SYNJ1: variants seen among roughly 807,000 people sequenced by gnomAD.
SYNJ1 encodes polyphosphatidylinositol phosphatase SYNJ1.
A neutral mutation model predicts 168.2 loss-of-function variants in SYNJ1; 78 were observed. That is an observed-to-expected ratio of 0.46 (90% confidence interval 0.39 to 0.56). SYNJ1 has a LOEUF of 0.56. Ranked by LOEUF, SYNJ1 falls within the 20% of genes least tolerant of loss-of-function variation. SYNJ1 has a pLI of 0.00. For synonymous variants in SYNJ1, 539 were observed against 548.6 expected (o/e 0.98, Z 0.24); for missense variants, 1,303 against 1,597.6 (o/e 0.82, Z 3.14).
chr21:32,718,556 A>C (rs2043105039), intron 2 of SYNJ1, among the ~76,000 whole-genome samples: 2 of 152,168 alleles, frequency 1.3e-5, no homozygotes, highest in African/African-American at 4.8e-5. Flanking sequence ...TGAAAAAGTC[A>C]ACTATAAAAA....
In SYNJ1 at chr21:32,698,417, G is replaced by GA. The variant is rs1601462408; in HGVS notation, c.479+1420dup. ...ACTCAAGGACTATATAAGTGACAGTGAAAGTGTGAGAGAGAAAAAGTACAC... is the reference window on the plus strand; with the variant it reads ...ACTCAAGGACTATATAAGTGACAGTGAAAAGTGTGAGAGAGAAAAAGTACAC... On this transcript the variant is annotated intron_variant, in intron 4 of 32. Coordinates refer to ENST00000674351, the MANE Select transcript of SYNJ1 (RefSeq NM_203446.3). Among the ~76,000 whole-genome samples, 3 of 152,226 alleles carry GA rather than the reference G, an allele frequency of 2.0e-5. No individual in the cohort carries two copies. In the East Asian group the frequency reaches 5.8e-4, roughly 29 times the overall value.
At chr21:32,654,434 T>C (rs940642356) in intron 21 of SYNJ1, among the ~76,000 whole-genome samples, 3 of 152,192 alleles carry the variant, frequency 2.0e-5, no homozygotes, top group Non-Finnish European at 4.4e-5. Context: ...AGACCATTCT[T>C]ACCTAACTAC....
At chr21:32,709,306 G>C (rs2042730340) in intron 2 of SYNJ1, among the ~76,000 whole-genome samples, 1 of 151,722 alleles carries the variant, frequency 6.6e-6, no homozygotes, top group Non-Finnish European at 1.5e-5. Context: ...GTGAAACCCT[G>C]TCTCTACTAA....
rs560291307 is a variant in SYNJ1 at position 32,636,951 on chromosome 21, A to G, written c.3915+1957T>C. On this transcript the variant is annotated intron_variant, in intron 31 of 32. Coordinates refer to ENST00000674351, the MANE Select transcript of SYNJ1 (RefSeq NM_203446.3). ...AAGAACACAATCTAAGGGGGCACAC[A>G]CAAAGCATGTGCCCGTCGGCCACCA... 3.9e-5 allele frequency among the ~76,000 whole-genome samples: 6 copies of G among 152,322 alleles called. No homozygotes were observed. The East Asian group carries it at 1.2e-3, about 29-fold the overall frequency.
At chr21:32,631,832 G>C in intron 32 of SYNJ1, 31 bp from the exon 33 acceptor site, 1 of 1,568,456 alleles carries the variant, frequency 6.4e-7, no homozygotes, top group Non-Finnish European at 8.7e-7. Flanking sequence ...TGAAAAATCA[G>C]TTTATATTTA....
At position 32,671,182 on chromosome 21, in the gene SYNJ1, T is replaced by C. The variant is rs571149783; in HGVS notation, c.1727-810A>G. Among the ~76,000 whole-genome samples, 40 of 152,116 alleles carry C rather than the reference T, an allele frequency of 2.6e-4. No individual in the cohort carries two copies. The Middle Eastern group carries it at 0.01, about 39-fold the overall frequency. ...AAATAAAAAAATTAGCTTAGCATGG[T>C]GGCATGCCTAGCTATTCAGAAGGCT... is the stretch of plus-strand genomic sequence containing the variant. On this transcript the variant is annotated intron_variant, in intron 14 of 32. Coordinates refer to ENST00000674351, the MANE Select transcript of SYNJ1 (RefSeq NM_203446.3).
intron 11 of SYNJ1, 141 bp downstream of exon 11, chr21:32,681,355 G>T: frequency 1.1e-6 from 1 of 905,238 alleles, no homozygotes. Flanking sequence ...TATCAAAGAA[G>T]GCATAAAAGC....
At position 32,701,946 on chromosome 21, in the gene SYNJ1, G is replaced by C; in HGVS notation, c.211+15C>G. On this transcript the variant is annotated intron_variant, in intron 3 of 32. Transcript: ENST00000674351. ...AATGAAAAAATGGATGAATTCTACT[G>C]AATGATAAACTTACCAAGATTTAAC... is the stretch of plus-strand genomic sequence containing the variant. The C allele has an allele frequency of 6.6e-7, 1 of 1,509,322 alleles. No individual in the cohort carries two copies. The highest frequency in any genetic ancestry group is 9.0e-7 in the Non-Finnish European group (1 of 1,116,536). The allele number at this position is 1,509,322 out of a possible 1,614,324, so 93.5% of individuals were successfully genotyped here.
intron 19 of SYNJ1, among the ~76,000 whole-genome samples, 194 bp from the exon 20 acceptor site, chr21:32,657,314 T>C (rs2040498232): frequency 6.6e-6 from 1 of 152,242 alleles, no homozygotes; most frequent in African/African-American, 2.4e-5. Context: ...ATTTTATGCT[T>C]TATTTAGTAA....
At chr21:32,705,530 G>A (rs1278901671) in intron 2 of SYNJ1, among the ~76,000 whole-genome samples, 1 of 152,146 alleles carries the variant, frequency 6.6e-6, no homozygotes, top group African/African-American at 2.4e-5. Context: ...TTCTACTGGT[G>A]AAATCCAGGA....
chr21:32,642,756 G>A (rs2039899362), intron 27 of SYNJ1, among the ~76,000 whole-genome samples: 1 of 152,208 alleles, frequency 6.6e-6, no homozygotes, highest in Non-Finnish European at 1.5e-5. Flanking sequence ...AAAGGTAGCT[G>A]AAGGATAAAA....
intron 3 of SYNJ1, among the ~76,000 whole-genome samples, chr21:32,700,987 C>T (rs2042381291): frequency 6.6e-6 from 1 of 152,168 alleles, no homozygotes; most frequent in African/African-American, 2.4e-5. Flanking sequence ...CAATGGTATA[C>T]TGTGAGCATG....
At chr21:32,681,689 T>A (rs2041630898) in intron 10 of SYNJ1, 41 bp from the exon 11 acceptor site, 1 of 1,549,456 alleles carries the variant, frequency 6.5e-7, no homozygotes, top group Non-Finnish European at 8.7e-7. Flanking sequence ...TACATTAATA[T>A]ATTAATTGTA....
At chr21:32,705,686 A>C (rs1271399907) in intron 2 of SYNJ1, among the ~76,000 whole-genome samples, 1 of 152,168 alleles carries the variant, frequency 6.6e-6, no homozygotes, top group Non-Finnish European at 1.5e-5. Flanking sequence ...TCAAGTAATC[A>C]AAGTGAACAC....
At chr21:32,708,761 CT>C (rs398040591) in intron 2 of SYNJ1, among the ~76,000 whole-genome samples, 164 of 144,880 alleles carry the variant, frequency 1.1e-3, no homozygotes, top group East Asian at 4.2e-3. Context: ...TCTTAGGTAC[CT>C]TTTTTTTTTT....
At chr21:32,710,240 G>T (rs898185685) in intron 2 of SYNJ1, among the ~76,000 whole-genome samples, 4 of 151,924 alleles carry the variant, frequency 2.6e-5, no homozygotes, top group African/African-American at 9.7e-5. Context: ...AATAAATAAG[G>T]AGGGAGAGAT....
At chr21:32,676,615 T>C (rs75127946) in intron 12 of SYNJ1, among the ~76,000 whole-genome samples, 31 of 152,332 alleles carry the variant, frequency 2.0e-4, no homozygotes, top group African/African-American at 7.5e-4. Context: ...AGGCCTGCGC[T>C]TCTGGCTGCT....
rs1274970038 is a variant in SYNJ1 at position 32,645,673 on chromosome 21, G to A, written c.3364C>T (p.Pro1122Ser). 2 of 1,521,190 alleles carry A rather than the reference G, an allele frequency of 1.3e-6. No homozygotes were observed. Among genetic ancestry groups the A allele is most frequent in the Non-Finnish European group, 1.8e-6 (2 of 1,140,094 alleles). The allele number at this position is 1,521,190 out of a possible 1,614,324, so 94.2% of individuals were successfully genotyped here. A position where few individuals can be genotyped will look rare whatever the true frequency, so the allele number is the denominator to read the frequency against. Residue 1122 changes from proline (P) to serine (S), a missense_variant, in exon 25 of 33, where the codon CCC (proline) becomes TCC (serine). This residue lies in a region of SYNJ1 where 383 missense variants were observed against 388.8 expected (regional missense o/e 0.99). Coordinates refer to ENST00000674351, the MANE Select transcript of SYNJ1 (RefSeq NM_203446.3). ...RPVAPPTRPAPPQRPPPPSGA... is the reference protein window; with the variant it reads ...RPVAPPTRPASPQRPPPPSGA... ...GAAGGCGGAGGAGGTCTCTGTGGGG[G>A]AGCCGGGCGTGTGGGAGGGGCGACC... is the stretch of plus-strand genomic sequence containing the variant.
chr21:32,645,700 G>T lies in SYNJ1; in HGVS notation c.3337C>A (p.Pro1113Thr). 6.7e-7 allele frequency: 1 copy of T among 1,483,484 alleles called. No individual in the cohort carries two copies. The allele number at this position is 1,483,484 out of a possible 1,614,324, so 91.9% of individuals were successfully genotyped here. A position where few individuals can be genotyped will look rare whatever the true frequency, so the allele number is the denominator to read the frequency against. ...GCCGGGCGTGTGGGAGGGGCGACCGGGCGGGGCGGCGGCGGCCGCTTGGGC... is the reference window on the plus strand; with the variant it reads ...GCCGGGCGTGTGGGAGGGGCGACCGTGCGGGGCGGCGGCGGCCGCTTGGGC... ...LEPKRPPPPR[P>T]VAPPTRPAPP... is the part of the protein sequence containing the mutation. The change falls in exon 25 of 33, where the codon CCG becomes ACG. Residue 1113 changes from proline to threonine, a missense_variant. By Grantham distance (38) the Pro-to-Thr change is conservative. Transcript: ENST00000674351.
Sources: gnomAD v4.1 joint callset for allele counts (sites outside exome capture counted in the v4.1 genomes callset) on GRCh38, gnomAD v4.1.1 for gene constraint, gnomAD v4.1.1 regional missense constraint, MANE v1.5 for transcripts, NCBI Gene and HGNC (gene_info 2026-07-23, HGNC 2026-07-21) for gene names.